Variants in DCHS2 observed in about 807,000 individuals in gnomAD.
DCHS2 encodes protocadherin-23.
A neutral mutation model predicts 182.4 loss-of-function variants in DCHS2; 142 were observed. The ratio of observed to expected loss-of-function variants is 0.78; its 90% CI spans 0.68 to 0.89. DCHS2 has a LOEUF of 0.89. DCHS2 is among the 40% of genes least tolerant of loss of function. The pLI is 0.00. For synonymous variants in DCHS2, 1,740 were observed against 1,663.3 expected (o/e 1.05, Z -1.12); for missense variants, 4,319 against 4,198.6 (o/e 1.03, Z -0.79).
At chr4:154,444,917 CAG>C (rs1210658809) in intron 1 of DCHS2, among the ~76,000 whole-genome samples, 4 of 152,200 alleles carry the variant, frequency 2.6e-5, no homozygotes, top group Non-Finnish European at 5.9e-5. Flanking sequence ...GCTACCACCT[CAG>C]AGTGTTTGCG....
chr4:154,491,107 T>G lies in DCHS2; in HGVS notation c.249A>C (p.Val83=). ...CCGGCAGCCCGGCGCGGATGTCACC[T>G]ACCAGCGTGTCCGGGGGAAGCCCCT... ...VDEGLPPDTL[V]GDIRAGLPAA... The change falls in exon 1 of 20, where the codon GTA becomes GTC. Residue 83 remains valine (V), a synonymous_variant. Transcript: ENST00000357232. The G allele has an allele frequency of 3.2e-6, 5 of 1,551,376 alleles. No homozygotes were observed. The highest frequency in any genetic ancestry group is 4.4e-6 in the Non-Finnish European group (5 of 1,146,920).
intron 13 of DCHS2, among the ~76,000 whole-genome samples, chr4:154,274,451 T>C (rs913417270): frequency 1.3e-5 from 2 of 152,166 alleles, no homozygotes; most frequent in Non-Finnish European, 2.9e-5. Context: ...TGAACATAGT[T>C]GAAGACTGAT....
chr4:154,368,579 C>T (rs1354470517), intron 2 of DCHS2, among the ~76,000 whole-genome samples: 8 of 151,434 alleles, frequency 5.3e-5, no homozygotes, highest in East Asian at 1.9e-4. Flanking sequence ...TGCAATGGCA[C>T]GATCTTGGCT....
At position 154,334,858 on chromosome 4, in the gene DCHS2, A is replaced by G. The variant is rs763212163; in HGVS notation, c.2713+10T>C. On this transcript the variant is annotated intron_variant, in intron 4 of 19. Coordinates refer to ENST00000357232, the MANE Select transcript of DCHS2 (RefSeq NM_001358235.2). The stretch of plus-strand genomic sequence containing the variant: ...TGGAATTCCATGCAGCATAAGAAAT[A>G]AGTACTTACTCAAGGGCTCTCTTGC... The G allele has an allele frequency of 1.3e-6, 2 of 1,578,996 alleles. No individual in the cohort carries two copies. Among genetic ancestry groups the G allele is most frequent in the South Asian group, 1.1e-5 (1 of 90,294 alleles).
At chr4:154,437,163 G>A (rs2110947523) in intron 1 of DCHS2, among the ~76,000 whole-genome samples, 1 of 152,258 alleles carries the variant, frequency 6.6e-6, no homozygotes, top group East Asian at 1.9e-4. Context: ...GCCTTAGACA[G>A]TTCACCCAGG....
At chr4:154,470,122 A>G (rs1735398270) in intron 1 of DCHS2, among the ~76,000 whole-genome samples, 2 of 152,208 alleles carry the variant, frequency 1.3e-5, no homozygotes, top group South Asian at 4.1e-4. Context: ...AGAGAATGAA[A>G]GAAGCAAGAA....
chr4:154,252,181 T>G (rs1732400529), intron 16 of DCHS2, among the ~76,000 whole-genome samples: 1 of 152,138 alleles, frequency 6.6e-6, no homozygotes, highest in Admixed American at 6.5e-5. Flanking sequence ...AATTTTTAAT[T>G]TTTGTGGGTA....
Position 154,490,326 on chromosome 4 carries a change from C to A in DCHS2, c.1030G>T (p.Gly344Cys), listed in dbSNP as rs1360046614. The change falls in exon 1 of 20, where the codon GGT becomes TGT. Residue 344 changes from glycine (G) to cysteine (C), a missense_variant. Physicochemically the swap from Gly to Cys is radical, Grantham distance 159. Coordinates refer to ENST00000357232, the MANE Select transcript of DCHS2 (RefSeq NM_001358235.2). Reference sequence around the variant, plus strand: ...TCGCCCAGTGCCCCGCCGCCGCTACCCGCCCCAGGCACTTGCCGGGCGCGG... The same window carrying A: ...TCGCCCAGTGCCCCGCCGCCGCTACACGCCCCAGGCACTTGCCGGGCGCGG... ...SVRARQVPGA[G>C]SGGGALGDAA... The A allele has an allele frequency of 1.9e-6, 3 of 1,543,908 alleles. No homozygotes were observed. The highest frequency in any genetic ancestry group is 2.6e-6 in the Non-Finnish European group (3 of 1,146,246).
intron 1 of DCHS2, among the ~76,000 whole-genome samples, chr4:154,461,932 G>T (rs938075033): frequency 1.5e-4 from 23 of 152,126 alleles, no homozygotes; most frequent in African/African-American, 5.6e-4. Flanking sequence ...TGTCCCTGAG[G>T]TCAGGAGCTG....
chr4:154,456,731 A>G (rs1054637169), intron 1 of DCHS2, among the ~76,000 whole-genome samples: 5 of 152,218 alleles, frequency 3.3e-5, no homozygotes, highest in Non-Finnish European at 1.5e-5. Context: ...TCTATAAAAT[A>G]AACTTTGAGT....
intron 13 of DCHS2, among the ~76,000 whole-genome samples, chr4:154,290,848 T>C (rs1227443092): frequency 3.9e-5 from 6 of 152,106 alleles, no homozygotes; most frequent in East Asian, 1.9e-4. Context: ...AAAGAAAACA[T>C]TGGGGAAACG....
At chr4:154,265,292 A>G (rs1184105315) in intron 14 of DCHS2, among the ~76,000 whole-genome samples, 1 of 152,246 alleles carries the variant, frequency 6.6e-6, no homozygotes, top group Non-Finnish European at 1.5e-5. Flanking sequence ...ACAAGCCTGT[A>G]CATTTCATTC....
chr4:154,349,943 A>G (rs1483590075), intron 3 of DCHS2, among the ~76,000 whole-genome samples: 2 of 152,230 alleles, frequency 1.3e-5, no homozygotes, highest in African/African-American at 4.8e-5. Context: ...CTTTCATTTC[A>G]TTCTATAGTC....
chr4:154,320,753 T>C lies in DCHS2; in HGVS notation c.4646A>G (p.Tyr1549Cys). The change falls in exon 9 of 20, where the codon TAC (tyrosine) becomes TGC (cysteine). Residue 1549 changes from tyrosine (Y) to cysteine (C), a missense_variant. By Grantham distance (194) the Tyr-to-Cys change is radical. Coordinates refer to ENST00000357232, the MANE Select transcript of DCHS2 (RefSeq NM_001358235.2). ...GSFLNSRIQY[Y>C]IESHNPGTNP... The stretch of plus-strand genomic sequence containing the variant: ...CGTGCCAGGGTTGTGGGATTCAATG[T>C]AGTATTGTATTCTACTGTTCAAAAA... 6.2e-7 allele frequency: 1 copy of C among 1,614,094 alleles called. No homozygotes were observed. Among genetic ancestry groups the C allele is most frequent in the Non-Finnish European group, 8.5e-7 (1 of 1,179,994 alleles).
chr4:154,368,103 C>T (rs771893974), intron 2 of DCHS2, among the ~76,000 whole-genome samples: 16 of 152,098 alleles, frequency 1.1e-4, no homozygotes, highest in Admixed American at 3.3e-4. Context: ...AAGAACAATG[C>T]AAGTTCATCT....
chr4:154,343,847 A>T (rs1010471801), intron 3 of DCHS2, among the ~76,000 whole-genome samples: 1 of 152,214 alleles, frequency 6.6e-6, no homozygotes, highest in African/African-American at 2.4e-5. Context: ...CAATTCGGAT[A>T]ACTGTGCAAG....
intron 16 of DCHS2, among the ~76,000 whole-genome samples, chr4:154,249,288 C>T (rs796622705): frequency 5.3e-5 from 8 of 152,208 alleles, no homozygotes; most frequent in African/African-American, 1.9e-4. Context: ...TGAACAGACA[C>T]TTTTCAAAGA....
rs1389282539 is a variant in DCHS2 at position 154,236,217 on chromosome 4, CAG to C, written c.8433_8434del (p.Cys2812PhefsTer9). 1 of 1,613,766 alleles carries C rather than the reference CAG, an allele frequency of 6.2e-7. No homozygotes were observed. The highest frequency in any genetic ancestry group is 1.3e-5 in the African/African-American group (1 of 74,870). On this transcript the variant is annotated frameshift_variant, in exon 20 of 20. Transcript: ENST00000357232. LOFTEE classifies it low-confidence loss of function (END_TRUNC). Reference sequence around the variant, plus strand: ...ATAAGACATTCCATGAGTGAGAAAACAGGGTGATACAATAGAATAGGTCAATT... The same window carrying C: ...ATAAGACATTCCATGAGTGAGAAAACGGTGATACAATAGAATAGGTCAATT...
At chr4:154,305,756 A>G (rs546293707) in intron 10 of DCHS2, among the ~76,000 whole-genome samples, 3 of 152,284 alleles carry the variant, frequency 2.0e-5, no homozygotes, top group South Asian at 2.1e-4. Context: ...GGAGTGAGAA[A>G]TGTGGTACCA....
Sources: allele counts gnomAD v4.1 joint callset (sites outside exome capture counted in the v4.1 genomes callset), GRCh38; gene constraint gnomAD v4.1.1; transcripts MANE v1.5; gene names NCBI Gene and HGNC (gene_info 2026-07-23, HGNC 2026-07-21).